Variants in CCDC138 observed in about 807,000 individuals in gnomAD.
CCDC138 encodes coiled-coil domain containing 138, also known as coiled-coil domain-containing protein 138.
Under a neutral mutation model 82.3 loss-of-function variants are expected in CCDC138, and 66 were observed. That is an observed-to-expected ratio of 0.80 (90% CI 0.66 to 0.98). The LOEUF is 0.98. Among genes scored for constraint, CCDC138 ranks in the 50% least tolerant of loss-of-function variants. The pLI is 0.00. For missense variants in CCDC138, 816 were observed against 758.9 expected (o/e 1.08, Z -0.88); for synonymous variants, 297 against 265.4 (o/e 1.12, Z -1.16).
chr2:108,853,917 T>TACA (rs1256335550), intron 12 of CCDC138, among the ~76,000 whole-genome samples: 14 of 122,392 alleles, frequency 1.1e-4, no homozygotes, highest in African/African-American at 4.7e-4. Flanking sequence ...TTATATAGTA[T>TACA]ATATATTATA....
intron 14 of CCDC138, among the ~76,000 whole-genome samples, chr2:108,874,428 C>T (rs528126789): frequency 7.9e-5 from 12 of 152,146 alleles, no homozygotes; most frequent in South Asian, 2.1e-4. Context: ...TTGTATTTTC[C>T]GTGATTCTTG....
intron 1 of CCDC138, 142 bp downstream of exon 1, chr2:108,787,057 C>A (rs887536702): frequency 1.6e-5 from 7 of 441,204 alleles, no homozygotes; most frequent in Admixed American, 9.4e-5. Context: ...GCTTGGGCCT[C>A]GTGGAAGCAG....
At chr2:108,817,440 G>A (rs1684979155) in intron 10 of CCDC138, among the ~76,000 whole-genome samples, 2 of 151,984 alleles carry the variant, frequency 1.3e-5, no homozygotes, top group African/African-American at 4.8e-5. Flanking sequence ...CTACAGGTGT[G>A]TGCCACCACG....
intron 11 of CCDC138, among the ~76,000 whole-genome samples, chr2:108,845,049 AT>A (rs1364553418): frequency 6.7e-6 from 1 of 149,236 alleles, no homozygotes; most frequent in African/African-American, 2.5e-5. Context: ...CCTGGCCCAC[AT>A]TTTTTTTTCA....
At position 108,812,944 on chromosome 2, in the gene CCDC138, AT is replaced by A; in HGVS notation, c.1041+20del. On this transcript the variant is annotated intron_variant, in intron 9 of 14. Coordinates refer to ENST00000295124, the MANE Select transcript of CCDC138 (RefSeq NM_144978.3). ...ACTTACAAGGTAAGTTTGAATTATG[AT>A]TTGATATGATTGAAAATTTCTCGGC... 6.2e-7 allele frequency: 1 copy of A among 1,609,822 alleles called. No individual in the cohort carries two copies. The highest frequency in any genetic ancestry group is 8.5e-7 in the Non-Finnish European group (1 of 1,177,160).
intron 11 of CCDC138, 108 bp from the exon 12 acceptor site, chr2:108,846,630 T>C (rs1012778065): frequency 3.4e-6 from 3 of 870,986 alleles, no homozygotes; most frequent in Admixed American, 2.8e-5. Context: ...TGAGCCATGA[T>C]TGCGCTACTG....
At chr2:108,854,762 G>A (rs896945466) in intron 12 of CCDC138, among the ~76,000 whole-genome samples, 1 of 152,096 alleles carries the variant, frequency 6.6e-6, no homozygotes, top group Non-Finnish European at 1.5e-5. Context: ...CCTGTTTATA[G>A]GTGAAGAGTA....
At chr2:108,865,240 G>A (rs1036386024) in intron 13 of CCDC138, among the ~76,000 whole-genome samples, 1 of 152,056 alleles carries the variant, frequency 6.6e-6, no homozygotes, top group East Asian at 1.9e-4. Context: ...AGCAGACCAC[G>A]ATTGATGGAT....
chr2:108,808,728 T>C (rs1246974559), intron 7 of CCDC138, among the ~76,000 whole-genome samples: 1 of 152,204 alleles, frequency 6.6e-6, no homozygotes, highest in Non-Finnish European at 1.5e-5. Flanking sequence ...GCTGTTGAGT[T>C]CCTTGTATTG....
chr2:108,791,870 C>T (rs1679968196), intron 4 of CCDC138, 68 bp downstream of exon 4: 1 of 1,441,120 alleles, frequency 6.9e-7, no homozygotes, highest in Non-Finnish European at 9.3e-7. Flanking sequence ...TGAAGCTTCC[C>T]TCCTAGTAAT....
intron 3 of CCDC138, 54 bp downstream of exon 3, chr2:108,789,020 GAGAA>G (rs1244135830): frequency 3.1e-6 from 5 of 1,592,064 alleles, no homozygotes; most frequent in East Asian, 4.5e-5. Flanking sequence ...TCAAAAAACT[GAGAA>G]AGAGAAAAGG....
chr2:108,869,051 A>AT (rs927699623), intron 13 of CCDC138, among the ~76,000 whole-genome samples: 4 of 151,480 alleles, frequency 2.6e-5, no homozygotes, highest in Non-Finnish European at 5.9e-5. Flanking sequence ...CTTGAAGAAA[A>AT]TTTTTTTTTC....
chr2:108,866,017 C>T (rs1217883711), intron 13 of CCDC138, among the ~76,000 whole-genome samples: 1 of 152,140 alleles, frequency 6.6e-6, no homozygotes, highest in Non-Finnish European at 1.5e-5. Context: ...TTGTTCCTGT[C>T]TTATGGAGCT....
chr2:108,840,143 T>C (rs931018949), intron 11 of CCDC138, among the ~76,000 whole-genome samples: 1 of 152,182 alleles, frequency 6.6e-6, no homozygotes, highest in Non-Finnish European at 1.5e-5. Context: ...CTTGTTAATA[T>C]GAATTACATT....
intron 10 of CCDC138, among the ~76,000 whole-genome samples, chr2:108,825,567 G>A (rs535884634): frequency 2.6e-4 from 39 of 152,146 alleles, no homozygotes; most frequent in African/African-American, 8.4e-4. Flanking sequence ...CGTACAATAC[G>A]TAGTGTTCCG....
intron 13 of CCDC138, among the ~76,000 whole-genome samples, chr2:108,858,650 G>A (rs1480621712): frequency 6.6e-6 from 1 of 151,942 alleles, no homozygotes; most frequent in Non-Finnish European, 1.5e-5. Context: ...CTAGGTTTGA[G>A]ATTGGAAACC....
Position 108,839,311 on chromosome 2 carries a change from T to A in CCDC138, c.1323+10T>A. On this transcript the variant is annotated intron_variant, in intron 11 of 14. Transcript: ENST00000295124. Reference sequence around the variant, plus strand: ...AGATGCTGGAGCACAGGTAATTGGTTAATAGGAATTTATCTATAAGTAATA... The same window carrying A: ...AGATGCTGGAGCACAGGTAATTGGTAAATAGGAATTTATCTATAAGTAATA... 1 of 1,603,852 alleles carries A rather than the reference T, an allele frequency of 6.2e-7. No homozygotes were observed. The highest frequency in any genetic ancestry group is 1.3e-5 in the African/African-American group (1 of 74,730).
intron 13 of CCDC138, among the ~76,000 whole-genome samples, chr2:108,870,019 C>T (rs1694999153): frequency 1.3e-5 from 2 of 152,144 alleles, no homozygotes; most frequent in African/African-American, 4.8e-5. Flanking sequence ...CTTAAATATG[C>T]TCAATGAGCT....
chr2:108,857,065 GCTTTTTT>G, intron 13 of CCDC138, 95 bp downstream of exon 13: 2 of 55,342 alleles, frequency 3.6e-5, no homozygotes, highest in South Asian at 5.4e-4. Flanking sequence ...AGATACTATT[GCTTTTTT>G]TTTTTTTTTT....
Sources: allele counts gnomAD v4.1 joint callset (sites outside exome capture counted in the v4.1 genomes callset), GRCh38; gene constraint gnomAD v4.1.1; transcripts MANE v1.5; gene names NCBI Gene and HGNC (gene_info 2026-07-23, HGNC 2026-07-21).